PHACTR1: variants seen among roughly 807,000 people sequenced by gnomAD.
The protein encoded by PHACTR1 is phosphatase and actin regulator 1, also known as RPEL repeat containing 1.
Under a neutral mutation model 69.2 loss-of-function variants are expected in PHACTR1, and 16 were observed. The ratio of observed to expected loss-of-function variants is 0.23; its 90% CI spans 0.16 to 0.35. The LOEUF is 0.35. Ranked by LOEUF, PHACTR1 falls within the 10% of genes least tolerant of loss-of-function variation. PHACTR1 has a pLI of 1.00. For synonymous variants in PHACTR1, 312 were observed against 284.5 expected, an observed-to-expected ratio of 1.10 and a Z score of -0.97; for missense variants, 510 against 734.7, an observed-to-expected ratio of 0.69 and a Z score of 3.54.
intron 8 of PHACTR1, among the ~76,000 whole-genome samples, chr6:13,210,575 A>G (rs1198324545): frequency 6.6e-6 from 1 of 152,180 alleles, no homozygotes; most frequent in Non-Finnish European, 1.5e-5. Flanking sequence ...TCTTAGACAC[A>G]CCACGTATTA....
chr6:13,193,553 AT>A (rs1763926300), intron 7 of PHACTR1, among the ~76,000 whole-genome samples: 1 of 150,770 alleles, frequency 6.6e-6, no homozygotes, highest in East Asian at 1.9e-4. Flanking sequence ...CTCCCAGCTA[AT>A]TTTTTAAAAT....
In PHACTR1 at chr6:13,287,368, G is replaced by A. The variant is rs1584494711; in HGVS notation, c.*290G>A. On this transcript the variant is annotated 3_prime_UTR_variant, in exon 15 of 15. Transcript: ENST00000332995. The stretch of plus-strand genomic sequence containing the variant: ...CCTGACTGAAGACTGTCTGGCAGGT[G>A]GAACGGTCCTTGTCCTCTCCAGCCA... 2.1e-6 allele frequency: 1 copy of A among 478,312 alleles called. No individual in the cohort carries two copies. Among genetic ancestry groups the A allele is most frequent in the East Asian group, 3.9e-5 (1 of 25,398 alleles). The allele number at this position is 478,312 out of a possible 1,614,324, so 29.6% of individuals were successfully genotyped here.
rs546139359 is a variant in PHACTR1, at chr6:12,866,239, G to A, written c.250+116449G>A. Among the ~76,000 whole-genome samples, 49 of 152,214 alleles carry A rather than the reference G, an allele frequency of 3.2e-4. No homozygotes were observed. In the South Asian group the frequency reaches 9.7e-3, roughly 30 times the overall value. On this transcript the variant is annotated intron_variant, in intron 4 of 14. Coordinates refer to ENST00000332995, the MANE Select transcript of PHACTR1 (RefSeq NM_030948.6). ...TCTGATTACAGACTGAAAGCTTTTC[G>A]CTTACTCTCATTTAGAACAAATGGT... is the stretch of plus-strand genomic sequence containing the variant.
chr6:13,180,745 G>A (rs1208459611), intron 6 of PHACTR1, among the ~76,000 whole-genome samples: 1 of 152,086 alleles, frequency 6.6e-6, no homozygotes, highest in East Asian at 1.9e-4. Context: ...ACTTCCCACG[G>A]CATCTGTTTG....
intron 4 of PHACTR1, among the ~76,000 whole-genome samples, chr6:12,968,558 C>T (rs947419291): frequency 6.6e-6 from 1 of 152,122 alleles, no homozygotes; most frequent in African/African-American, 2.4e-5. Context: ...TTTCATTCAC[C>T]CTCCCCTCAG....
intron 4 of PHACTR1, among the ~76,000 whole-genome samples, chr6:13,001,944 A>G (rs1798145258): frequency 6.6e-6 from 1 of 152,196 alleles, no homozygotes; most frequent in Non-Finnish European, 1.5e-5. Context: ...ATTCAAATTG[A>G]TTTGGATTTG....
At chr6:12,883,770 C>A (rs188551390) in intron 4 of PHACTR1, among the ~76,000 whole-genome samples, 1 of 152,116 alleles carries the variant, frequency 6.6e-6, no homozygotes, top group Non-Finnish European at 1.5e-5. Context: ...GCTCACATCC[C>A]GTTCTTTATC....
intron 4 of PHACTR1, among the ~76,000 whole-genome samples, chr6:12,975,009 A>C (rs1180136051): frequency 6.9e-6 from 1 of 145,680 alleles, no homozygotes; most frequent in East Asian, 1.9e-4. Context: ...ACGGTCAGGG[A>C]AAAAAGCCCT....
chr6:12,956,938 GTCC>G lies in PHACTR1; in HGVS notation c.251-96424_251-96422del, dbSNP rs150524386. Among the ~76,000 whole-genome samples the G allele has an allele frequency of 1.6e-3, 248 of 152,228 alleles. 1 individual carries two copies. Among genetic ancestry groups the G allele is most frequent in the African/African-American group, 5.7e-3 (237 of 41,530 alleles). ...CTCACTCCTCATGGGCATTTGGGAG[GTCC>G]TCTACTCAAGAATTGAACCGAAGGG... On this transcript the variant is annotated intron_variant, in intron 4 of 14. Coordinates refer to ENST00000332995, the MANE Select transcript of PHACTR1 (RefSeq NM_030948.6).
At position 13,148,916 on chromosome 6, in the gene PHACTR1, A is replaced by C. The variant is rs777400813; in HGVS notation, c.416-11288A>C. ...CTCATTGGAATGCAGGTCTCTACTG[A>C]CTGAAGTTTCTACCAAGACCACAGG... On this transcript the variant is annotated intron_variant, in intron 5 of 14. Coordinates refer to ENST00000332995, the MANE Select transcript of PHACTR1 (RefSeq NM_030948.6). Among the ~76,000 whole-genome samples, 186 of 152,312 alleles carry C rather than the reference A, an allele frequency of 1.2e-3. 2 individuals are homozygous for C. The highest frequency in any genetic ancestry group is 1.1e-3 in the Non-Finnish European group (77 of 68,016).
intron 5 of PHACTR1, among the ~76,000 whole-genome samples, chr6:13,138,284 C>A (rs1821867610): frequency 6.6e-6 from 1 of 152,142 alleles, no homozygotes; most frequent in Non-Finnish European, 1.5e-5. Context: ...GCTCCCAGGT[C>A]TCTGGAAAGA....
chr6:12,993,254 T>C (rs1349234235), intron 4 of PHACTR1, among the ~76,000 whole-genome samples: 4 of 152,238 alleles, frequency 2.6e-5, no homozygotes, highest in Non-Finnish European at 4.4e-5. Flanking sequence ...TTCTAGCTCT[T>C]CTATCAGTAT....
chr6:13,056,136 A>G (rs1005043961), intron 5 of PHACTR1, among the ~76,000 whole-genome samples: 1 of 152,236 alleles, frequency 6.6e-6, no homozygotes, highest in Non-Finnish European at 1.5e-5. Flanking sequence ...GGCCAGGCAC[A>G]GTAGCTCACT....
At chr6:12,786,854 CA>C (rs1420371700) in intron 4 of PHACTR1, among the ~76,000 whole-genome samples, 1 of 152,198 alleles carries the variant, frequency 6.6e-6, no homozygotes, top group Non-Finnish European at 1.5e-5. Flanking sequence ...TTACATATTT[CA>C]TAACTCCTGG....
chr6:12,859,328 C>T (rs1780710564), intron 4 of PHACTR1, among the ~76,000 whole-genome samples: 1 of 152,166 alleles, frequency 6.6e-6, no homozygotes, highest in Admixed American at 6.5e-5. Context: ...AGCTGGTCAA[C>T]ATGCTCCATA....
chr6:12,790,284 GCCCTGCTCACTTA>G (rs1376760125), intron 4 of PHACTR1, among the ~76,000 whole-genome samples: 4 of 151,972 alleles, frequency 2.6e-5, no homozygotes, highest in Non-Finnish European at 4.4e-5. Context: ...CCCTAGAATT[GCCCTGCTCACTTA>G]CCCTGATGGG....
At chr6:13,095,731 G>C (rs1814096295) in intron 5 of PHACTR1, among the ~76,000 whole-genome samples, 1 of 130,032 alleles carries the variant, frequency 7.7e-6, no homozygotes, top group Non-Finnish European at 1.6e-5. Context: ...AAACTTTAAA[G>C]TGAATTATTG....
At chr6:13,096,029 A>G (rs1814192557) in intron 5 of PHACTR1, among the ~76,000 whole-genome samples, 1 of 151,750 alleles carries the variant, frequency 6.6e-6, no homozygotes, top group Non-Finnish European at 1.5e-5. Flanking sequence ...ACTGGGAATG[A>G]CCTTCTTCTC....
At chr6:12,978,723 C>A (rs137954601) in intron 4 of PHACTR1, among the ~76,000 whole-genome samples, 1 of 152,300 alleles carries the variant, frequency 6.6e-6, no homozygotes, top group African/African-American at 2.4e-5. Context: ...GTTGATGACA[C>A]GTGTTTGTTG....
Sources: allele counts gnomAD v4.1 joint callset (sites outside exome capture counted in the v4.1 genomes callset), GRCh38; gene constraint gnomAD v4.1.1; transcripts MANE v1.5; gene names NCBI Gene and HGNC (gene_info 2026-07-23, HGNC 2026-07-21).